Variants in SMAP1 observed in about 807,000 individuals in gnomAD.
The protein encoded by SMAP1 is small ArfGAP 1, also known as stromal membrane-associated protein 1.
Under a neutral mutation model 58.5 loss-of-function variants are expected in SMAP1, and 24 were observed. The ratio of observed to expected loss-of-function variants is 0.41; its 90% confidence interval spans 0.30 to 0.58. The LOEUF (loss-of-function observed/expected upper bound fraction) is 0.58, where lower values mean the gene tolerates loss of function less well. Among genes scored for constraint, SMAP1 ranks in the 20% least tolerant of loss-of-function variants. SMAP1 has a pLI of 0.29. For missense variants in SMAP1, 563 were observed against 566.3 expected (o/e 0.99, Z 0.06); for synonymous variants, 216 against 196.6 (o/e 1.10, Z -0.82).
rs1262909033 is a variant in SMAP1, at chr6:70,858,228, A to G, written c.1268A>G (p.Gln423Arg). The change falls in exon 10 of 11, where the codon CAG becomes CGG. Residue 423 changes from glutamine (Q) to arginine (R), a missense_variant and splice_region_variant. By Grantham distance (43) the Gln-to-Arg change is conservative. This residue lies in a region of SMAP1 where 494 missense variants were observed against 473.8 expected (regional missense o/e 1.04). Transcript: ENST00000370455. ...QAQQPQWSLS[Q>R]MNQQMAGMSI... ...CAGCAGCCCCAGTGGAGCCTCTCAC[A>G]GGTAGGGGTCATTTACTTTCTAGCT... 1.2e-6 allele frequency: 2 copies of G among 1,606,236 alleles called. No individual in the cohort carries two copies. The highest frequency in any genetic ancestry group is 1.7e-6 in the Non-Finnish European group (2 of 1,176,456).
At chr6:70,765,279 A>G (rs1766919602) in intron 3 of SMAP1, among the ~76,000 whole-genome samples, 1 of 152,192 alleles carries the variant, frequency 6.6e-6, no homozygotes, top group Non-Finnish European at 1.5e-5. Flanking sequence ...AGAAACCACG[A>G]CTTTAAGCAA....
chr6:70,685,768 A>T (rs1226234934), intron 1 of SMAP1, among the ~76,000 whole-genome samples: 1 of 152,202 alleles, frequency 6.6e-6, no homozygotes, highest in Non-Finnish European at 1.5e-5. Context: ...CACTTGTCTA[A>T]CCAGAGGGTC....
At chr6:70,738,920 A>C (rs752186846) in intron 2 of SMAP1, among the ~76,000 whole-genome samples, 2 of 152,196 alleles carry the variant, frequency 1.3e-5, no homozygotes, top group African/African-American at 2.4e-5. Context: ...TTTCACTCTG[A>C]CATAGTTATT....
chr6:70,685,867 A>G (rs936312821), intron 1 of SMAP1, among the ~76,000 whole-genome samples: 2 of 152,154 alleles, frequency 1.3e-5, no homozygotes, highest in African/African-American at 2.4e-5. Context: ...ACCAGAACAG[A>G]GAAGCCTTGG....
At chr6:70,769,375 T>G (rs1767163725) in intron 3 of SMAP1, among the ~76,000 whole-genome samples, 1 of 152,184 alleles carries the variant, frequency 6.6e-6, no homozygotes, top group African/African-American at 2.4e-5. Context: ...ATTATTATTG[T>G]GTGGGAGTCT....
intron 4 of SMAP1, among the ~76,000 whole-genome samples, chr6:70,779,364 A>G (rs997453661): frequency 2.6e-5 from 4 of 152,198 alleles, no homozygotes; most frequent in Non-Finnish European, 2.9e-5. Flanking sequence ...TGTTGGCGGT[A>G]CTGTCAAAAT....
chr6:70,800,932 G>A (rs1007632853), intron 6 of SMAP1, among the ~76,000 whole-genome samples: 2 of 152,142 alleles, frequency 1.3e-5, no homozygotes, highest in African/African-American at 4.8e-5. Flanking sequence ...GGACATTTGG[G>A]TTGGTTCCAA....
chr6:70,769,213 A>G (rs1027204113), intron 3 of SMAP1, among the ~76,000 whole-genome samples: 2 of 152,164 alleles, frequency 1.3e-5, no homozygotes, highest in Non-Finnish European at 2.9e-5. Flanking sequence ...GGTGCTGAAA[A>G]AAATGTATAT....
chr6:70,805,190 T>C (rs1327163006), intron 6 of SMAP1, among the ~76,000 whole-genome samples: 1 of 152,198 alleles, frequency 6.6e-6, no homozygotes, highest in Admixed American at 6.5e-5. Context: ...TTGGAGTGTT[T>C]GTTCATTTCT....
intron 4 of SMAP1, among the ~76,000 whole-genome samples, chr6:70,773,888 A>G (rs1277157778): frequency 6.6e-6 from 1 of 152,166 alleles, no homozygotes; most frequent in Non-Finnish European, 1.5e-5. Context: ...CCTAATAGTT[A>G]AGTCTTTACA....
At chr6:70,854,612 G>T (rs1227673056) in intron 8 of SMAP1, among the ~76,000 whole-genome samples, 2 of 151,370 alleles carry the variant, frequency 1.3e-5, no homozygotes, top group Non-Finnish European at 2.9e-5. Context: ...ACAAGAGTGA[G>T]ACTTCGTCTG....
At position 70,860,157 on chromosome 6, in the gene SMAP1, G is replaced by A. The variant is rs555577913; in HGVS notation, c.1270-43G>A. 4.6e-6 allele frequency: 7 copies of A among 1,532,764 alleles called. No homozygotes were observed. The South Asian group carries it at 6.4e-5, about 14-fold the overall frequency. The allele number at this position is 1,532,764 out of a possible 1,614,324, so 94.9% of individuals were successfully genotyped here. A position where few individuals can be genotyped will look rare whatever the true frequency, so the allele number is the denominator to read the frequency against. On this transcript the variant is annotated intron_variant, in intron 10 of 10. Coordinates refer to ENST00000370455, the MANE Select transcript of SMAP1 (RefSeq NM_001044305.3). Reference sequence around the variant, plus strand: ...GTGGCTAAAGAAACAAGAATTAAAAGTGAAGTAAGCCTCTTGAACTAAGCC... The same window carrying A: ...GTGGCTAAAGAAACAAGAATTAAAAATGAAGTAAGCCTCTTGAACTAAGCC...
intron 4 of SMAP1, among the ~76,000 whole-genome samples, chr6:70,773,933 G>A (rs1361334604): frequency 6.6e-6 from 1 of 152,142 alleles, no homozygotes. Context: ...CCCATAACAA[G>A]GTTTCAGTCA....
chr6:70,832,987 G>A (rs1259240431), intron 6 of SMAP1, among the ~76,000 whole-genome samples: 1 of 152,088 alleles, frequency 6.6e-6, no homozygotes, highest in Non-Finnish European at 1.5e-5. Flanking sequence ...CTTACTTCCT[G>A]TCGTTTTACA....
rs546438721 is a variant in SMAP1 at position 70,786,879 on chromosome 6, G to A, written c.415-4810G>A. Among the ~76,000 whole-genome samples the A allele has an allele frequency of 3.2e-3, 489 of 152,270 alleles. 2 individuals carry two copies. The highest frequency in any genetic ancestry group is 0.011 in the African/African-American group (470 of 41,548). On this transcript the variant is annotated intron_variant, in intron 4 of 10. Transcript: ENST00000370455. ...TCATGAAAATGGCCATACTGCCCAA[G>A]GTAATTTATAGAGTCATTGCATCCC...
chr6:70,773,436 CCTT>C lies in SMAP1; in HGVS notation c.414+13_414+15del. On this transcript the variant is annotated intron_variant, in intron 4 of 10. Coordinates refer to ENST00000370455, the MANE Select transcript of SMAP1 (RefSeq NM_001044305.3). ...ATAGCTATTACAAATGTAAGTAAAA[CCTT>C]CATCTCTCATCAATTGTTTGTTGAC... The C allele has an allele frequency of 1.4e-6, 2 of 1,455,606 alleles. No homozygotes were observed. Among genetic ancestry groups the C allele is most frequent in the East Asian group, 2.3e-5 (1 of 43,420 alleles). 90.2% of individuals were successfully genotyped at this position (1,455,606 alleles called of 1,614,324 possible). A position where few individuals can be genotyped will look rare whatever the true frequency, so the allele number is the denominator to read the frequency against.
rs566689123 is a variant in SMAP1, at chr6:70,717,059, C to G, written c.119-15319C>G. On this transcript the variant is annotated intron_variant, in intron 1 of 10. Coordinates refer to ENST00000370455, the MANE Select transcript of SMAP1 (RefSeq NM_001044305.3). Reference sequence around the variant, plus strand: ...GTACCTCTAAAATCTTTTTGTTTGTCCAAACTACACTCTTTGTTCTTTCTT... The same window carrying G: ...GTACCTCTAAAATCTTTTTGTTTGTGCAAACTACACTCTTTGTTCTTTCTT... 3.9e-5 allele frequency among the ~76,000 whole-genome samples: 6 copies of G among 152,166 alleles called. No individual in the cohort carries two copies. The East Asian group carries it at 9.7e-4, about 25-fold the overall frequency.
intron 3 of SMAP1, among the ~76,000 whole-genome samples, chr6:70,772,301 G>T (rs528261839): frequency 4.6e-5 from 7 of 152,066 alleles, no homozygotes; most frequent in Non-Finnish European, 7.4e-5. Context: ...ATTTTAAAAG[G>T]CTTTTTAAAA....
intron 2 of SMAP1, among the ~76,000 whole-genome samples, chr6:70,744,092 A>T (rs1243363515): frequency 6.6e-6 from 1 of 152,104 alleles, no homozygotes; most frequent in Non-Finnish European, 1.5e-5. Context: ...TGTTACATGT[A>T]GGTGATTATC....
Sources: gnomAD v4.1 joint callset for allele counts (sites outside exome capture counted in the v4.1 genomes callset) on GRCh38, gnomAD v4.1.1 for gene constraint, gnomAD v4.1.1 regional missense constraint, MANE v1.5 for transcripts, NCBI Gene and HGNC (gene_info 2026-07-23, HGNC 2026-07-21) for gene names.